The following ASIP variants were observed in gnomAD, a reference collection of about 807,000 sequenced individuals.
ASIP encodes agouti-signaling protein.
Under a neutral mutation model 10.3 loss-of-function variants are expected in ASIP, and 11 were observed. The observed-to-expected ratio is 1.07, with a 90% CI of 0.68 to 1.78. The LOEUF is 1.78. Ranked by LOEUF, ASIP falls within the 40% of genes most tolerant of loss-of-function variation. ASIP has a pLI of 0.00. For synonymous variants in ASIP, 70 were observed against 70.8 expected (o/e 0.99, Z 0.06); for missense variants, 180 against 169.2 (o/e 1.06, Z -0.35).
upstream of ASIP, among the ~76,000 whole-genome samples, chr20:34,239,224 A>C (rs1355104605): frequency 6.7e-6 from 1 of 149,568 alleles, no homozygotes; most frequent in Non-Finnish European, 1.5e-5. Context: ...TCCCAACCCC[A>C]TGTTCAAATA....
chr20:34,188,790 A>C, the ASIP span, among the ~76,000 whole-genome samples: 1 of 152,146 alleles, frequency 6.6e-6, no homozygotes, highest in African/African-American at 2.4e-5. Context: ...TTGCTATTCA[A>C]ATGACTGAAG....
At chr20:34,253,100 T>G (rs146595606) in intron 1 of ASIP, among the ~76,000 whole-genome samples, 21 of 152,090 alleles carry the variant, frequency 1.4e-4, no homozygotes, top group African/African-American at 3.9e-4. Context: ...ACCTGATCTC[T>G]CTTTCTTTTT....
chr20:34,238,495 C>A (rs1248261806), upstream of ASIP, among the ~76,000 whole-genome samples: 3 of 152,062 alleles, frequency 2.0e-5, no homozygotes, highest in African/African-American at 7.2e-5. Flanking sequence ...ACAAAAAGTT[C>A]TTGTACTTTC....
chr20:34,253,446 A>ATTTT (rs200433598), intron 1 of ASIP, among the ~76,000 whole-genome samples: 1 of 112,146 alleles, frequency 8.9e-6, no homozygotes, highest in Non-Finnish European at 1.8e-5. Context: ...TTTTTATTTT[A>ATTTT]TTTTATTTAT....
intron 1 of ASIP, among the ~76,000 whole-genome samples, chr20:34,225,350 T>C (rs999746225): frequency 2.6e-5 from 4 of 150,960 alleles, no homozygotes; most frequent in Non-Finnish European, 1.5e-5. Context: ...GCACCTTTGT[T>C]ATATAGAAAA....
At chr20:34,227,757 A>G (rs1001201161) in intron 1 of ASIP, among the ~76,000 whole-genome samples, 1 of 152,230 alleles carries the variant, frequency 6.6e-6, no homozygotes, top group African/African-American at 2.4e-5. Context: ...AGTAGGTTTT[A>G]GTAGAAGTTG....
Position 34,260,518 on chromosome 20 carries a change from T to C in ASIP, c.144T>C (p.Pro48=). The part of the protein sequence containing the change: ...SNSSVNLLDV[P]SVSIVALNKK... ...CCTCTGTGAACCTACTGGATGTCCCTTCTGTCTCTATTGTGGGTAAGTCAC... is the reference window on the plus strand; with the variant it reads ...CCTCTGTGAACCTACTGGATGTCCCCTCTGTCTCTATTGTGGGTAAGTCAC... Residue 48 remains proline (P), a synonymous_variant, in exon 2 of 4, where the codon CCT becomes CCC. Coordinates refer to ENST00000374954, the MANE Select transcript of ASIP (RefSeq NM_001672.3). 2 of 1,612,846 alleles carry C rather than the reference T, an allele frequency of 1.2e-6. 1 individual carries two copies.
intron 3 of ASIP, among the ~76,000 whole-genome samples, chr20:34,265,964 G>A (rs1345238220): frequency 6.6e-6 from 1 of 151,874 alleles, no homozygotes; most frequent in African/African-American, 2.4e-5. Context: ...AAACAAAAGC[G>A]GAGGGGGGGA....
rs1435912348 is a variant in ASIP at position 34,269,096 on chromosome 20, C to A, written c.328C>A (p.Pro110Thr). The A allele has an allele frequency of 1.3e-6, 2 of 1,571,062 alleles. No homozygotes were observed. Among genetic ancestry groups the A allele is most frequent in the Non-Finnish European group, 1.7e-6 (2 of 1,159,126 alleles). ...CKPPAPACCD[P>T]CASCQCRFFR... ...GCCGCCGGCACCCGCCTGCTGCGAC[C>A]CGTGCGCCTCCTGCCAGTGCCGCTT... Residue 110 changes from proline (P) to threonine (T), a missense_variant, in exon 4 of 4, where the codon CCG becomes ACG. Transcript: ENST00000374954.
At chr20:34,200,882 G>A (rs967734651) in intron 1 of ASIP, among the ~76,000 whole-genome samples, 1 of 152,044 alleles carries the variant, frequency 6.6e-6, no homozygotes, top group Non-Finnish European at 1.5e-5. Context: ...TGGACACATA[G>A]TTTATGCTTT....
At chr20:34,263,641 A>G (rs574653798) in intron 3 of ASIP, among the ~76,000 whole-genome samples, 4 of 151,082 alleles carry the variant, frequency 2.6e-5, no homozygotes, top group Non-Finnish European at 5.9e-5. Context: ...GGGTCCACTT[A>G]TACATTGGTT....
At chr20:34,221,878 G>A (rs1438226137) in intron 1 of ASIP, among the ~76,000 whole-genome samples, 1 of 152,184 alleles carries the variant, frequency 6.6e-6, no homozygotes. Context: ...GGGAGGCCGA[G>A]GTGGGTGGAT....
chr20:34,203,767 A>C (rs2034916597), intron 1 of ASIP, among the ~76,000 whole-genome samples: 1 of 151,834 alleles, frequency 6.6e-6, no homozygotes. Flanking sequence ...TTTTTTGCCC[A>C]GGCTGGAGTG....
chr20:34,245,837 G>T, intron 1 of ASIP: 1 of 772,784 alleles, frequency 1.3e-6, no homozygotes, highest in Non-Finnish European at 1.6e-6. Flanking sequence ...CAGTTTTACT[G>T]TAGAATATAT....
chr20:34,258,700 A>ATATATATATATACACACACACATAC lies in ASIP; in HGVS notation c.-10-1656_-10-1655insATACACACACACATACTATATATAT, dbSNP rs1555826880. ...ATATATATATATATATACATACTATATATATATATTATATATATTATAAAA... is the reference window on the plus strand; with the variant it reads ...ATATATATATATATATACATACTATATATATATATATACACACACACATACTATATATATTATATATATTATAAAA... On this transcript the variant is annotated intron_variant, in intron 1 of 3. Transcript: ENST00000374954. Among the ~76,000 whole-genome samples, 3 of 77,918 alleles carry ATATATATATATACACACACACATAC rather than the reference A, an allele frequency of 3.9e-5. 1 individual carries two copies. The highest frequency in any genetic ancestry group is 5.2e-4 in the East Asian group (1 of 1,924). 51.1% of individuals were successfully genotyped at this position (77,918 alleles called of 152,430 possible). A position where few individuals can be genotyped will look rare whatever the true frequency, so the allele number is the denominator to read the frequency against.
chr20:34,256,325 T>C (rs2035567795), intron 1 of ASIP, among the ~76,000 whole-genome samples: 1 of 152,192 alleles, frequency 6.6e-6, no homozygotes, highest in Non-Finnish European at 1.5e-5. Context: ...CTCTGTGCCT[T>C]GGTGGTAGTG....
At chr20:34,203,775 G>A (rs531790002) in intron 1 of ASIP, among the ~76,000 whole-genome samples, 25 of 152,110 alleles carry the variant, frequency 1.6e-4, no homozygotes, top group South Asian at 4.2e-4. Flanking sequence ...CCAGGCTGGA[G>A]TGCAATGGCA....
intron 3 of ASIP, among the ~76,000 whole-genome samples, chr20:34,267,723 G>T (rs938540865): frequency 2.6e-5 from 4 of 151,826 alleles, no homozygotes; most frequent in African/African-American, 9.7e-5. Context: ...GTAGAGACGG[G>T]TTTCTCCATG....
At chr20:34,218,579 C>T (rs1364204303) in intron 1 of ASIP, among the ~76,000 whole-genome samples, 1 of 152,152 alleles carries the variant, frequency 6.6e-6, no homozygotes, top group Non-Finnish European at 1.5e-5. Context: ...GCTCACCCAC[C>T]CTAGCTTAAT....
Sources: allele counts gnomAD v4.1 joint callset (sites outside exome capture counted in the v4.1 genomes callset), GRCh38; gene constraint gnomAD v4.1.1; transcripts MANE v1.5; gene names NCBI Gene and HGNC (gene_info 2026-07-23, HGNC 2026-07-21).